Variants in DNAH7 observed in about 807,000 individuals in gnomAD.
The protein encoded by DNAH7 is dynein axonemal heavy chain 7, also known as axonemal beta dynein heavy chain 7.
Under a neutral mutation model 444.6 loss-of-function variants are expected in DNAH7, and 397 were observed. The observed-to-expected ratio is 0.89, with a 90% confidence interval of 0.82 to 0.97. The LOEUF (loss-of-function observed/expected upper bound fraction) is 0.97, where lower values mean the gene tolerates loss of function less well. DNAH7 is among the 50% of genes least tolerant of loss of function. The pLI, the probability that DNAH7 is intolerant of heterozygous loss-of-function variation, is 0.00. For synonymous variants in DNAH7, 1,636 were observed against 1,624.4 expected (o/e 1.01, Z -0.17); for missense variants, 4,902 against 4,800.8 (o/e 1.02, Z -0.62).
chr2:195,840,004 C>G (rs1221238029), intron 47 of DNAH7, among the ~76,000 whole-genome samples: 2 of 151,692 alleles, frequency 1.3e-5, no homozygotes, highest in Admixed American at 6.6e-5. Flanking sequence ...TTCCCAATTC[C>G]TTTTAGGAGG....
rs1244447090 is a variant in DNAH7 at position 195,892,388 on chromosome 2, A to C, written c.4897-584T>G. 4 of 152,130 alleles carry C rather than the reference A, an allele frequency of 2.6e-5. No homozygotes were observed. The East Asian group carries it at 7.7e-4, about 29-fold the overall frequency. 9.4% of individuals were successfully genotyped at this position (152,130 alleles called of 1,614,324 possible). Reference sequence around the variant, plus strand: ...ATGTCTATTTCTTGTGGAGTGAAAAAGTTAATGTTGGTAAATTGTCAATTT... The same window carrying C: ...ATGTCTATTTCTTGTGGAGTGAAAACGTTAATGTTGGTAAATTGTCAATTT... On this transcript the variant is annotated intron_variant, in intron 30 of 64. Coordinates refer to ENST00000312428, the MANE Select transcript of DNAH7 (RefSeq NM_018897.3).
rs565078874 is a variant in DNAH7 at position 196,045,801 on chromosome 2, A to T, written c.398+1551T>A. 5.4e-3 allele frequency among the ~76,000 whole-genome samples: 824 copies of T among 152,244 alleles called. 10 individuals are homozygous for T. The highest frequency in any genetic ancestry group is 0.018 in the African/African-American group (761 of 41,582). On this transcript the variant is annotated intron_variant, in intron 5 of 64. Transcript: ENST00000312428. ...CTAAACCAATAAAAATAAAGGAAGAATAGAGAAAATTCAACAGAAAGCAGA... is the reference window on the plus strand; with the variant it reads ...CTAAACCAATAAAAATAAAGGAAGATTAGAGAAAATTCAACAGAAAGCAGA...
At position 195,858,536 on chromosome 2, in the gene DNAH7, G is replaced by A. The variant is rs761181153; in HGVS notation, c.8005C>T (p.Leu2669=). 1.2e-6 allele frequency: 2 copies of A among 1,613,806 alleles called. No individual in the cohort carries two copies. The highest frequency in any genetic ancestry group is 1.7e-4 in the Middle Eastern group (1 of 6,056). ...KAIKDECDAD[L]AGALPILESA... is the part of the protein sequence containing the mutation. ...TCTAATATTGGCAAGGCACCTGCCA[G>A]GTCAGCATCGCACTCATCTTTGATG... The change falls in exon 43 of 65, where the codon CTG becomes TTG. Residue 2669 remains leucine, a synonymous_variant. Coordinates refer to ENST00000312428, the MANE Select transcript of DNAH7 (RefSeq NM_018897.3).
At chr2:195,747,132 A>T (rs994931278) in intron 63 of DNAH7, among the ~76,000 whole-genome samples, 1 of 152,134 alleles carries the variant, frequency 6.6e-6, no homozygotes, top group Admixed American at 6.6e-5. Context: ...AGAGAGAAGA[A>T]TCAAATAGAC....
chr2:196,027,836 G>T, intron 6 of DNAH7, 124 bp downstream of exon 6: 2 of 802,028 alleles, frequency 2.5e-6, no homozygotes, highest in South Asian at 2.2e-5. Flanking sequence ...ATAGAACTCT[G>T]TATTTATTCC....
intron 17 of DNAH7, among the ~76,000 whole-genome samples, chr2:195,965,345 A>G (rs1417333844): frequency 6.6e-6 from 1 of 152,288 alleles, no homozygotes; most frequent in African/African-American, 2.4e-5. Flanking sequence ...TGATGTTTTT[A>G]ATGCATTGTT....
At chr2:195,986,138 C>T (rs7600332) in intron 14 of DNAH7, among the ~76,000 whole-genome samples, 11,423 of 152,216 alleles carry the variant, frequency 0.075, 609 homozygotes, top group African/African-American at 0.15. Flanking sequence ...TCTCCCCTCT[C>T]CCCCAAACTC....
Position 195,922,190 on chromosome 2 carries a change from T to C in DNAH7, c.3833A>G (p.His1278Arg), listed in dbSNP as rs1244684493. The C allele has an allele frequency of 6.3e-7, 1 of 1,589,062 alleles. No homozygotes were observed. The change falls in exon 24 of 65, where the codon CAT becomes CGT. Residue 1278 changes from histidine to arginine, a missense_variant. Transcript: ENST00000312428. ...SQLRYYWQEN[H>R]LETKMINAGL... The stretch of plus-strand genomic sequence containing the variant: ...AGCATTGATCATTTTTGTTTCTAAA[T>C]GATTTTCCTAGGATAAATCAAATAA...
At chr2:195,802,497 T>A (rs1386008401) in intron 54 of DNAH7, among the ~76,000 whole-genome samples, 1 of 151,852 alleles carries the variant, frequency 6.6e-6, no homozygotes, top group Non-Finnish European at 1.5e-5. Flanking sequence ...CGAAACTCCA[T>A]CTCAAAAAAA....
chr2:196,026,965 G>A, intron 6 of DNAH7, 25 bp from the exon 7 acceptor site: 1 of 1,523,010 alleles, frequency 6.6e-7, no homozygotes, highest in Non-Finnish European at 8.9e-7. Context: ...TAGGAAAAAT[G>A]TAGATGTTTA....
intron 62 of DNAH7, among the ~76,000 whole-genome samples, chr2:195,754,978 C>T (rs772498053): frequency 6.6e-6 from 1 of 152,166 alleles, no homozygotes; most frequent in Non-Finnish European, 1.5e-5. Context: ...CAATTTCATA[C>T]CTATCATATC....
chr2:195,743,220 T>G (rs964721888), intron 63 of DNAH7, among the ~76,000 whole-genome samples: 2 of 152,248 alleles, frequency 1.3e-5, no homozygotes, highest in African/African-American at 4.8e-5. Flanking sequence ...CTGCGCTGTC[T>G]GCTTCCGTAC....
intron 19 of DNAH7, among the ~76,000 whole-genome samples, chr2:195,954,725 T>C (rs1411849327): frequency 2.0e-5 from 3 of 152,240 alleles, no homozygotes; most frequent in Admixed American, 6.5e-5. Flanking sequence ...CCATTCTAAC[T>C]GGCATGAGAT....
At chr2:196,033,277 A>G (rs1361924011) in intron 5 of DNAH7, among the ~76,000 whole-genome samples, 1 of 152,218 alleles carries the variant, frequency 6.6e-6, no homozygotes, top group African/African-American at 2.4e-5. Context: ...TAACATATCC[A>G]TCACCTCAAA....
intron 59 of DNAH7, among the ~76,000 whole-genome samples, chr2:195,777,182 T>C (rs946753054): frequency 2.0e-5 from 3 of 152,162 alleles, no homozygotes; most frequent in East Asian, 1.9e-4. Context: ...GAGAACCAAC[T>C]TGATTGTCTT....
chr2:195,844,773 T>A (rs1388378928), intron 47 of DNAH7, among the ~76,000 whole-genome samples: 3 of 152,130 alleles, frequency 2.0e-5, no homozygotes, highest in South Asian at 2.1e-4. Flanking sequence ...AAAATTAATT[T>A]AAAAAAATTA....
intron 15 of DNAH7, among the ~76,000 whole-genome samples, chr2:195,972,974 C>G (rs567251109): frequency 1.1e-4 from 17 of 152,294 alleles, no homozygotes; most frequent in Admixed American, 9.8e-4. Context: ...GCACACTGCT[C>G]GGAGCATATC....
intron 20 of DNAH7, among the ~76,000 whole-genome samples, chr2:195,935,397 T>C (rs1380764937): frequency 3.3e-5 from 5 of 152,194 alleles, no homozygotes; most frequent in Non-Finnish European, 7.4e-5. Flanking sequence ...AAAACTCAGA[T>C]AGAAATCTGA....
At chr2:195,971,092 C>T (rs907923428) in intron 16 of DNAH7, among the ~76,000 whole-genome samples, 4 of 152,146 alleles carry the variant, frequency 2.6e-5, no homozygotes, top group Non-Finnish European at 4.4e-5. Flanking sequence ...AACAAAAATA[C>T]AAACTACAGT....
Sources: allele counts gnomAD v4.1 joint callset (sites outside exome capture counted in the v4.1 genomes callset), GRCh38; gene constraint gnomAD v4.1.1; transcripts MANE v1.5; gene names NCBI Gene and HGNC (gene_info 2026-07-23, HGNC 2026-07-21).